The following IMPA1 variants were observed in gnomAD, a reference collection of about 807,000 sequenced individuals.
IMPA1 encodes D-galactose 1-phosphate phosphatase.
IMPA1 carries 21 observed loss-of-function variants against 34.9 expected under a neutral mutation model. The ratio of observed to expected loss-of-function variants is 0.60; its 90% CI spans 0.43 to 0.87. IMPA1 has a LOEUF of 0.87. IMPA1 is among the 40% of genes least tolerant of loss of function. IMPA1 has a pLI of 0.00. For synonymous variants in IMPA1, 95 were observed against 104.4 expected (o/e 0.91, Z 0.55); for missense variants, 299 against 336.4 (o/e 0.89, Z 0.87).
At chr8:81,672,400 T>C (rs2130286017) in intron 6 of IMPA1, among the ~76,000 whole-genome samples, 1 of 152,352 alleles carries the variant, frequency 6.6e-6, no homozygotes, top group Admixed American at 6.5e-5. Flanking sequence ...TGGAGTTAAA[T>C]AATTGCCACT....
intron 1 of IMPA1, chr8:81,685,931 C>T (rs778448914): frequency 6.5e-7 from 1 of 1,534,824 alleles, no homozygotes; most frequent in Non-Finnish European, 8.8e-7. Flanking sequence ...AGAGTGACTA[C>T]CTGGGCCTGG....
In IMPA1 at chr8:81,659,007, G is replaced by C. The variant is rs536842609; in HGVS notation, c.*344C>G. On this transcript the variant is annotated 3_prime_UTR_variant, in exon 9 of 9. Transcript: ENST00000256108. Reference sequence around the variant, plus strand: ...CAAACAGTTAACTTTCTAAGTGGGTGTCTCTGCACCTATATACTAAGTCAA... The same window carrying C: ...CAAACAGTTAACTTTCTAAGTGGGTCTCTCTGCACCTATATACTAAGTCAA... 4 of 225,018 alleles carry C rather than the reference G, an allele frequency of 1.8e-5. No individual in the cohort carries two copies. The East Asian group carries it at 5.6e-4, about 31-fold the overall frequency. 13.9% of individuals were successfully genotyped at this position (225,018 alleles called of 1,614,324 possible).
At chr8:81,680,045 G>T (rs1333438531) in intron 3 of IMPA1, among the ~76,000 whole-genome samples, 2 of 151,172 alleles carry the variant, frequency 1.3e-5, no homozygotes, top group East Asian at 3.9e-4. Context: ...TGAGGCAGGA[G>T]AATCACTTGA....
rs199632402 is a variant in IMPA1, at chr8:81,684,755, A to T, written c.-25+1497T>A. Among the ~76,000 whole-genome samples, 3 of 140,740 alleles carry T rather than the reference A, an allele frequency of 2.1e-5. No homozygotes were observed. The East Asian group carries it at 6.5e-4, about 30-fold the overall frequency. 92.3% of individuals were successfully genotyped at this position (140,740 alleles called of 152,430 possible). ...GAGTATATATACTACACATAAGTAT[A>T]TTTAGATACTATGTGGAGTATATAT... On this transcript the variant is annotated intron_variant, in intron 1 of 8. Transcript: ENST00000256108.
chr8:81,674,770 C>T (rs1337613968), intron 5 of IMPA1: 1 of 454,862 alleles, frequency 2.2e-6, no homozygotes, highest in East Asian at 7.0e-5. Context: ...TTTTTACAGT[C>T]CACAAATTCA....
At chr8:81,665,611 A>G (rs191651032) in intron 7 of IMPA1, among the ~76,000 whole-genome samples, 6 of 152,284 alleles carry the variant, frequency 3.9e-5, no homozygotes, top group Admixed American at 3.3e-4. Flanking sequence ...TTAAAAAGAC[A>G]TGAACCTATA....
rs1807059401 is a variant in IMPA1, at chr8:81,673,884, A to G, written c.414T>C (p.Gly138=). 1 of 1,613,322 alleles carries G rather than the reference A, an allele frequency of 6.2e-7. No homozygotes were observed. The highest frequency in any genetic ancestry group is 1.7e-5 in the Admixed American group (1 of 60,016). ...GKMYTARKGK[G]AFCNGQKLQV... ...GTAGTTTTTGACCATTACAAAAGGC[A>G]CCTTTTCCTTTTCTGGCAGTGTACA... Residue 138 remains glycine (G), a synonymous_variant, in exon 6 of 9, where the codon GGT becomes GGC. Coordinates refer to ENST00000256108, the MANE Select transcript of IMPA1 (RefSeq NM_005536.4).
At chr8:81,684,309 A>G (rs1807402399) in intron 1 of IMPA1, among the ~76,000 whole-genome samples, 1 of 146,350 alleles carries the variant, frequency 6.8e-6, no homozygotes, top group Non-Finnish European at 1.5e-5. Flanking sequence ...TATAGTATAT[A>G]TACCATACAT....
chr8:81,683,838 A>T (rs80340131), intron 1 of IMPA1, among the ~76,000 whole-genome samples: 1 of 152,248 alleles, frequency 6.6e-6, no homozygotes, highest in Non-Finnish European at 1.5e-5. Context: ...ATCCCACAAA[A>T]TCAGTATGAT....
At chr8:81,663,082 G>A (rs778713160) in intron 7 of IMPA1, among the ~76,000 whole-genome samples, 10 of 152,080 alleles carry the variant, frequency 6.6e-5, no homozygotes, top group Non-Finnish European at 1.0e-4. Context: ...CAGTAAGTCA[G>A]TACTTCTTAG....
At chr8:81,682,906 C>T (rs1224732682) in intron 1 of IMPA1, among the ~76,000 whole-genome samples, 1 of 152,146 alleles carries the variant, frequency 6.6e-6, no homozygotes, top group African/African-American at 2.4e-5. Context: ...GGAGGAAAAT[C>T]AGGTCCTGTT....
At chr8:81,676,984 T>C (rs1807151026) in intron 4 of IMPA1, among the ~76,000 whole-genome samples, 1 of 152,122 alleles carries the variant, frequency 6.6e-6, no homozygotes, top group Non-Finnish European at 1.5e-5. Flanking sequence ...ACAGAGATGC[T>C]GTCCCCCTTT....
Position 81,679,212 on chromosome 8 carries a change from A to G in IMPA1, c.216T>C (p.Ser72=). 1 of 1,613,588 alleles carries G rather than the reference A, an allele frequency of 6.2e-7. No individual in the cohort carries two copies. The highest frequency in any genetic ancestry group is 8.5e-7 in the Non-Finnish European group (1 of 1,179,496). Residue 72 remains serine, a synonymous_variant, in exon 4 of 9, where the codon TCT becomes TCC. Transcript: ENST00000256108. ...AGATACTTTTTTCCCCAGCTGCCAC[A>G]GATTCTTCACCAATGAAACTAAAAG... ...YPSHSFIGEE[S]VAAGEKSILT...
chr8:81,663,522 C>T (rs531217293), intron 7 of IMPA1, among the ~76,000 whole-genome samples: 2 of 152,204 alleles, frequency 1.3e-5, no homozygotes, highest in Non-Finnish European at 2.9e-5. Flanking sequence ...GCAGCCACAT[C>T]ACCTACTTGA....
At chr8:81,659,956 A>C (rs1806613183) in intron 8 of IMPA1, among the ~76,000 whole-genome samples, 1 of 152,078 alleles carries the variant, frequency 6.6e-6, no homozygotes. Flanking sequence ...ATCATCAACT[A>C]TCACCATTGT....
At chr8:81,674,550 T>C (rs1355706489) in intron 5 of IMPA1, 1 of 276,676 alleles carries the variant, frequency 3.6e-6, no homozygotes, top group Non-Finnish European at 7.1e-6. Flanking sequence ...TGGAGTCTAC[T>C]GGCTCAAGAC....
At chr8:81,675,418 T>C (rs1807103995) in intron 5 of IMPA1, among the ~76,000 whole-genome samples, 1 of 152,158 alleles carries the variant, frequency 6.6e-6, no homozygotes, top group East Asian at 1.9e-4. Flanking sequence ...CATATCATCT[T>C]TACCTGTTCA....
intron 4 of IMPA1, among the ~76,000 whole-genome samples, chr8:81,677,041 A>G (rs1044726374): frequency 3.3e-5 from 5 of 152,212 alleles, no homozygotes; most frequent in Non-Finnish European, 5.9e-5. Flanking sequence ...TTTGGTTAAA[A>G]AAGAAAACTG....
chr8:81,675,864 T>C (rs1807117046), intron 5 of IMPA1, among the ~76,000 whole-genome samples: 1 of 152,244 alleles, frequency 6.6e-6, no homozygotes, highest in African/African-American at 2.4e-5. Flanking sequence ...TCTAAATGTA[T>C]TTCTTCACTA....
Sources: gnomAD v4.1 joint callset for allele counts (sites outside exome capture counted in the v4.1 genomes callset) on GRCh38, gnomAD v4.1.1 for gene constraint, MANE v1.5 for transcripts, NCBI Gene and HGNC (gene_info 2026-07-23, HGNC 2026-07-21) for gene names.